BCCIP: variants seen among roughly 807,000 people sequenced by gnomAD.
The protein encoded by BCCIP is BRCA2 and CDKN1A interacting protein.
In BCCIP, 23 loss-of-function variants were observed where a neutral mutation model predicts 32.8. That is an observed-to-expected ratio of 0.70 (90% CI 0.51 to 0.99). BCCIP has a LOEUF of 0.99. BCCIP is among the 50% of genes least tolerant of loss of function. The probability of loss-of-function intolerance (pLI) is 0.00; values close to 1 mark genes in which losing one functional copy is unlikely to be tolerated. For missense variants in BCCIP, 378 were observed against 379.8 expected, an observed-to-expected ratio of 1.00 and a Z score of 0.04; for synonymous variants, 144 against 137.6, an observed-to-expected ratio of 1.05 and a Z score of -0.33.
chr10:125,836,335 G>A lies in BCCIP; in HGVS notation c.*61G>A. On this transcript the variant is annotated 3_prime_UTR_variant, in exon 7 of 7. Coordinates refer to ENST00000278100, the MANE Select transcript of BCCIP (RefSeq NM_078468.3). Reference sequence around the variant, plus strand: ...TAAAATTACCAGAAAACTCAGTGGAGATTTACTGAAAAACTCAGACTTTAT... The same window carrying A: ...TAAAATTACCAGAAAACTCAGTGGAAATTTACTGAAAAACTCAGACTTTAT... The A allele has an allele frequency of 4.3e-6, 7 of 1,609,948 alleles. No homozygotes were observed. Among genetic ancestry groups the A allele is most frequent in the Non-Finnish European group, 5.9e-6 (7 of 1,178,526 alleles).
At chr10:125,841,437 A>T (rs1421623975), downstream of BCCIP, 1 of 1,556,626 alleles carries the variant, frequency 6.4e-7, no homozygotes, top group Non-Finnish European at 8.7e-7. Context: ...GGGGAAAAAC[A>T]CCTCTAGTGA....
downstream of BCCIP, among the ~76,000 whole-genome samples, chr10:125,837,433 C>G (rs1389845903): frequency 6.6e-6 from 1 of 152,262 alleles, no homozygotes; most frequent in African/African-American, 2.4e-5. Context: ...AGTTATTTTT[C>G]CTTTTTTCTT....
At chr10:125,843,293 T>C (rs1353890563), downstream of BCCIP, among the ~76,000 whole-genome samples, 1 of 152,124 alleles carries the variant, frequency 6.6e-6, no homozygotes, top group African/African-American at 2.4e-5. Context: ...AATTTTCTTA[T>C]GTGCTGTCTA....
downstream of BCCIP, chr10:125,841,066 G>A (rs536278995): frequency 2.0e-6 from 3 of 1,531,568 alleles, no homozygotes; most frequent in East Asian, 4.6e-5. Context: ...CATGCAGAGG[G>A]GAGGGGTCAC....
downstream of BCCIP, among the ~76,000 whole-genome samples, chr10:125,845,571 G>A (rs1944007153): frequency 1.3e-5 from 2 of 152,204 alleles, no homozygotes; most frequent in Admixed American, 1.3e-4. Context: ...CAAAGCCAGG[G>A]CCATTCCCTC....
chr10:125,839,933 G>T (rs768057593), downstream of BCCIP, among the ~76,000 whole-genome samples: 1 of 152,062 alleles, frequency 6.6e-6, no homozygotes, highest in African/African-American at 2.4e-5. Context: ...CCCTCAAAAG[G>T]TGCCACCAGA....
chr10:125,836,232 G>A lies in BCCIP; in HGVS notation c.903G>A (p.Met301Ile), dbSNP rs779287657. 2.5e-6 allele frequency: 4 copies of A among 1,614,080 alleles called. No homozygotes were observed. Among genetic ancestry groups the A allele is most frequent in the Middle Eastern group, 1.6e-4 (1 of 6,084 alleles). ...RTVMLIPGDKMNEIMDKLKEY... is the reference protein window; with the variant it reads ...RTVMLIPGDKINEIMDKLKEY... ...TGATGTTAATTCCAGGCGACAAGAT[G>A]AACGAAATCATGGATAAACTGAAAG... The change falls in exon 7 of 7, where the codon ATG becomes ATA. Residue 301 changes from methionine to isoleucine, a missense_variant. Coordinates refer to ENST00000278100, the MANE Select transcript of BCCIP (RefSeq NM_078468.3).
chr10:125,838,349 C>T, downstream of BCCIP: 1 of 1,607,946 alleles, frequency 6.2e-7, no homozygotes, highest in Non-Finnish European at 8.5e-7. Context: ...TATGTGTCAG[C>T]ATTAAGTAGT....
At position 125,827,594 on chromosome 10, in the gene BCCIP, A is replaced by G. The variant is rs1366690310; in HGVS notation, c.277A>G (p.Thr93Ala). Residue 93 changes from threonine (T) to alanine (A), a missense_variant, in exon 3 of 7, where the codon ACA (threonine) becomes GCA (alanine). By Grantham distance (58) the Thr-to-Ala change is moderately conservative. Transcript: ENST00000278100. ...GGCTCCTGTGAACACTGCAGAACTA[A>G]CAGATCTCTTAATTCAACAGAACCA... ...LKAPVNTAEL[T>A]DLLIQQNHIG... 2.5e-6 allele frequency: 4 copies of G among 1,613,204 alleles called. No homozygotes were observed. The African/African-American group carries it at 5.3e-5, about 22-fold the overall frequency.
At chr10:125,828,213 A>C (rs1382480282) in intron 3 of BCCIP, among the ~76,000 whole-genome samples, 1 of 152,166 alleles carries the variant, frequency 6.6e-6, no homozygotes, top group Non-Finnish European at 1.5e-5. Context: ...GGAGTCAAGG[A>C]TGACTTCCAG....
At chr10:125,829,249 G>C (rs1382592896) in intron 3 of BCCIP, among the ~76,000 whole-genome samples, 1 of 152,188 alleles carries the variant, frequency 6.6e-6, no homozygotes, top group Non-Finnish European at 1.5e-5. Context: ...CGATCTTGTA[G>C]AGTGCATGGG....
intron 7 of BCCIP, among the ~76,000 whole-genome samples, chr10:125,850,418 C>T (rs976981373): frequency 4.9e-5 from 7 of 143,328 alleles, no homozygotes; most frequent in African/African-American, 1.3e-4. Flanking sequence ...AGTGCAATGG[C>T]GCAATCTTGG....
At chr10:125,838,180 A>C (rs1854757126), downstream of BCCIP, 7 of 1,540,776 alleles carry the variant, frequency 4.5e-6, no homozygotes, top group South Asian at 8.8e-5. Flanking sequence ...AAAAAAATAC[A>C]ACCCTTTCTT....
At chr10:125,827,453 ATCT>A in intron 2 of BCCIP, 102 bp from the exon 3 acceptor site, 5 of 747,010 alleles carry the variant, frequency 6.7e-6, no homozygotes, top group Non-Finnish European at 1.0e-5. Flanking sequence ...CTAGATCATC[ATCT>A]TAAGTCACAG....
chr10:125,841,210 T>C (rs1854868256), downstream of BCCIP: 1 of 1,581,038 alleles, frequency 6.3e-7, no homozygotes, highest in African/African-American at 1.3e-5. Context: ...TTTGCTTTTC[T>C]AAGGTCAACT....
chr10:125,835,914 T>C (rs1322817991), intron 6 of BCCIP, among the ~76,000 whole-genome samples, 190 bp from the exon 7 acceptor site: 1 of 152,280 alleles, frequency 6.6e-6, no homozygotes, highest in African/African-American at 2.4e-5. Flanking sequence ...GTTTAAAATC[T>C]ACTTGGTTTG....
chr10:125,837,376 G>C (rs529275265), downstream of BCCIP, among the ~76,000 whole-genome samples: 80 of 152,338 alleles, frequency 5.3e-4, no homozygotes, highest in African/African-American at 1.9e-3. Context: ...TAGTGGAGTA[G>C]TCTCACTCTT....
At position 125,831,386 on chromosome 10, in the gene BCCIP, G is replaced by A. The variant is rs751739190; in HGVS notation, c.412-34G>A. On this transcript the variant is annotated intron_variant, in intron 4 of 6. Coordinates refer to ENST00000278100, the MANE Select transcript of BCCIP (RefSeq NM_078468.3). ...GGTTTTGTCCTCTATGTGATGGCTT[G>A]TAATAGGAAACAAGCTTTCTCTTTG... The A allele has an allele frequency of 2.5e-6, 4 of 1,598,844 alleles. No individual in the cohort carries two copies. The Admixed American group carries it at 5.1e-5, about 21-fold the overall frequency.
chr10:125,838,408 G>A (rs1205506448), downstream of BCCIP: 5 of 1,541,206 alleles, frequency 3.2e-6, no homozygotes, highest in African/African-American at 1.4e-5. Context: ...GAATTTTAAA[G>A]AAAAAAGATT....
Sources: allele counts gnomAD v4.1 joint callset (sites outside exome capture counted in the v4.1 genomes callset), GRCh38; gene constraint gnomAD v4.1.1; transcripts MANE v1.5; gene names NCBI Gene and HGNC (gene_info 2026-07-23, HGNC 2026-07-21).